The following PGAP3 variants were observed in gnomAD, a reference collection of about 807,000 sequenced individuals.
PGAP3 encodes GPI-specific phospholipase A2-like PGAP3.
A neutral mutation model predicts 40.3 loss-of-function variants in PGAP3; 31 were observed. That is an observed-to-expected ratio of 0.77 (90% CI 0.58 to 1.04). The LOEUF is 1.04. PGAP3 is among the 50% of genes least tolerant of loss of function. The pLI is 0.00. For missense variants in PGAP3, 413 were observed against 423.0 expected (o/e 0.98, Z 0.21); for synonymous variants, 191 against 184.5 (o/e 1.04, Z -0.29).
intron 2 of PGAP3, 138 bp from the exon 3 acceptor site, chr17:39,684,887 A>G (rs1347511898): frequency 6.5e-6 from 7 of 1,083,326 alleles, no homozygotes; most frequent in Non-Finnish European, 9.0e-6. Flanking sequence ...CCTCAGGTTC[A>G]GTACCTCTTC....
At position 39,684,637 on chromosome 17, in the gene PGAP3, G is replaced by A. The variant is rs1249111640; in HGVS notation, c.392C>T (p.Ala131Val). 6.2e-7 allele frequency: 1 copy of A among 1,613,966 alleles called. No individual in the cohort carries two copies. The highest frequency in any genetic ancestry group is 8.5e-7 in the Non-Finnish European group (1 of 1,179,982). ...MLCRYRTFVP[A>V]SSPMYHTCVA... Reference sequence around the variant, plus strand: ...ACAGGTGTGGTACATGGGGGAGGAGGCTGGCACGAAGGTGCGGTAGCGGCA... The same window carrying A: ...ACAGGTGTGGTACATGGGGGAGGAGACTGGCACGAAGGTGCGGTAGCGGCA... Residue 131 changes from alanine (A) to valine (V), a missense_variant, in exon 3 of 8, where the codon GCC becomes GTC. Coordinates refer to ENST00000300658, the MANE Select transcript of PGAP3 (RefSeq NM_033419.5).
chr17:39,681,311 C>T (rs1380390779), intron 3 of PGAP3, among the ~76,000 whole-genome samples: 2 of 152,142 alleles, frequency 1.3e-5, no homozygotes, highest in African/African-American at 2.4e-5. Flanking sequence ...AACCCTGGCT[C>T]GGTGATCTGT....
chr17:39,673,161 C>A lies in PGAP3; in HGVS notation c.789G>T (p.Leu263=), dbSNP rs369429951. 4 of 1,593,646 alleles carry A rather than the reference C, an allele frequency of 2.5e-6. No individual in the cohort carries two copies. Among genetic ancestry groups the A allele is most frequent in the Non-Finnish European group, 2.6e-6 (3 of 1,170,802 alleles). Residue 263 remains leucine (L), a synonymous_variant, in exon 7 of 8, where the codon CTG becomes CTT. Coordinates refer to ENST00000300658, the MANE Select transcript of PGAP3 (RefSeq NM_033419.5). ...GCAGCTCGAGCAGGGACAGCCCCTG[C>A]AGCAGCAAGACCACCACCACGCACT... ...VRKCVVVVLL[L]QGLSLLELLD...
chr17:39,677,451 T>C (rs1326818374), intron 3 of PGAP3, among the ~76,000 whole-genome samples: 2 of 152,162 alleles, frequency 1.3e-5, no homozygotes, highest in Non-Finnish European at 2.9e-5. Context: ...TCTGGAGCCA[T>C]GTTCCCATCA....
At chr17:39,673,398 C>T (rs1266183505) in intron 6 of PGAP3, 116 bp downstream of exon 6, 2 of 1,558,904 alleles carry the variant, frequency 1.3e-6, no homozygotes, top group Admixed American at 3.5e-5. Context: ...AATTCTTCTC[C>T]ATTCCTCTAC....
chr17:39,688,034 G>A lies in PGAP3; in HGVS notation c.-20C>T, dbSNP rs755171864. On this transcript the variant is annotated 5_prime_UTR_variant, in exon 1 of 8. Transcript: ENST00000300658. ...GGCCATCCTTTCTCCCTGGCTCGCC[G>A]CCGGGGGAGGAGCTTAGGAGTATGA... is the stretch of plus-strand genomic sequence containing the variant. 10 of 1,371,162 alleles carry A rather than the reference G, an allele frequency of 7.3e-6. No homozygotes were observed. The South Asian group carries it at 1.5e-4, about 20-fold the overall frequency. The allele number at this position is 1,371,162 out of a possible 1,614,324, so 84.9% of individuals were successfully genotyped here.
At chr17:39,676,837 C>G (rs1436910460) in intron 3 of PGAP3, 1 of 152,338 alleles carries the variant, frequency 6.6e-6, no homozygotes, top group Non-Finnish European at 1.5e-5. Context: ...CCAGGACAGG[C>G]TGAAACATGA....
Position 39,685,997 on chromosome 17 carries a change from A to C in PGAP3, c.204T>G (p.Cys68Trp). 1 of 1,613,142 alleles carries C rather than the reference A, an allele frequency of 6.2e-7. No individual in the cohort carries two copies. Among genetic ancestry groups the C allele is most frequent in the Non-Finnish European group, 8.5e-7 (1 of 1,179,376 alleles). Reference protein sequence around the residue: ...SLAGWTCRDDCKYECMWVTVG... With the variant: ...SLAGWTCRDDWKYECMWVTVG... ...CGGTGACCCACATACACTCATACTTACAGTCGTCCCGACAGGTCCAGCCTG... is the reference window on the plus strand; with the variant it reads ...CGGTGACCCACATACACTCATACTTCCAGTCGTCCCGACAGGTCCAGCCTG... The change falls in exon 2 of 8, where the codon TGT becomes TGG. Residue 68 changes from cysteine to tryptophan, a missense_variant. Physicochemically the swap from Cys to Trp is radical, Grantham distance 215 (BLOSUM62 -2). Transcript: ENST00000300658.
chr17:39,677,475 A>G (rs1446579231), intron 3 of PGAP3, among the ~76,000 whole-genome samples: 4 of 152,196 alleles, frequency 2.6e-5, no homozygotes, highest in Non-Finnish European at 5.9e-5. Flanking sequence ...TGAACCGAAC[A>G]GATCCATTTC....
intron 4 of PGAP3, 121 bp downstream of exon 4, chr17:39,674,496 C>A: frequency 8.9e-7 from 1 of 1,117,758 alleles, no homozygotes; most frequent in Admixed American, 2.6e-5. Flanking sequence ...AGGATGCCCA[C>A]CCCATACTCC....
intron 3 of PGAP3, among the ~76,000 whole-genome samples, chr17:39,678,724 G>T (rs8077172): frequency 0.58 from 88,241 of 151,502 alleles, 26,643 homozygotes; most frequent in South Asian, 0.7. Flanking sequence ...TACAGCTCAG[G>T]ATCCCTCCCT....
chr17:39,674,118 G>T, intron 4 of PGAP3, 64 bp from the exon 5 acceptor site: 1 of 1,533,726 alleles, frequency 6.5e-7, no homozygotes, highest in Non-Finnish European at 9.0e-7. Context: ...CCGCGGGGAT[G>T]GGGGCATGGA....
At chr17:39,677,270 C>G (rs2057386110) in intron 3 of PGAP3, among the ~76,000 whole-genome samples, 1 of 152,192 alleles carries the variant, frequency 6.6e-6, no homozygotes, top group South Asian at 2.1e-4. Context: ...CCATCAATGT[C>G]AGTTTCCTTC....
Position 39,672,771 on chromosome 17 carries a change from AT to A in PGAP3, c.*31del. 1 of 1,605,652 alleles carries A rather than the reference AT, an allele frequency of 6.2e-7. No homozygotes were observed. The highest frequency in any genetic ancestry group is 8.5e-7 in the Non-Finnish European group (1 of 1,172,492). On this transcript the variant is annotated 3_prime_UTR_variant, in exon 8 of 8. Transcript: ENST00000300658. ...GGGAGGCCAGCAGGGCGGGGGCAGG[AT>A]CCCCACTGGGGCAGACTCGCTCCAA...
At chr17:39,685,092 C>T (rs531855326) in intron 2 of PGAP3, among the ~76,000 whole-genome samples, 5 of 152,232 alleles carry the variant, frequency 3.3e-5, no homozygotes, top group Admixed American at 2.0e-4. Context: ...CCACTGACCA[C>T]GGTCCTTTGA....
At chr17:39,677,601 G>C (rs758283421) in intron 3 of PGAP3, among the ~76,000 whole-genome samples, 3 of 152,184 alleles carry the variant, frequency 2.0e-5, no homozygotes, top group Non-Finnish European at 2.9e-5. Context: ...CCACGCTCAA[G>C]TGAAGGGGGG....
intron 3 of PGAP3, among the ~76,000 whole-genome samples, chr17:39,678,185 C>T (rs1257731366): frequency 6.6e-6 from 1 of 152,198 alleles, no homozygotes; most frequent in Non-Finnish European, 1.5e-5. Flanking sequence ...TTCCTGAAGT[C>T]TAACCATCAT....
intron 3 of PGAP3, 79 bp downstream of exon 3, chr17:39,684,518 C>A (rs1213992844): frequency 1.4e-6 from 2 of 1,454,248 alleles, no homozygotes; most frequent in Non-Finnish European, 1.8e-6. Context: ...AGTAGAAGCC[C>A]TGTTGGGTGT....
At chr17:39,686,073 G>C in intron 1 of PGAP3, 54 bp from the exon 2 acceptor site, 24 of 1,506,722 alleles carry the variant, frequency 1.6e-5, no homozygotes, top group Non-Finnish European at 2.0e-5. Context: ...AGGAAAGAGA[G>C]AGCATGAATG....
Sources: gnomAD v4.1 joint callset for allele counts (sites outside exome capture counted in the v4.1 genomes callset) on GRCh38, gnomAD v4.1.1 for gene constraint, MANE v1.5 for transcripts, NCBI Gene and HGNC (gene_info 2026-07-23, HGNC 2026-07-21) for gene names.